Variants in PRKCE observed in about 807,000 individuals in gnomAD.
The protein encoded by PRKCE is protein kinase C epsilon type.
Under a neutral mutation model 85.4 loss-of-function variants are expected in PRKCE, and 16 were observed. That is an observed-to-expected ratio of 0.19 (90% CI 0.13 to 0.28). The LOEUF (loss-of-function observed/expected upper bound fraction) is 0.28, where lower values mean the gene tolerates loss of function less well. PRKCE is among the 10% of genes least tolerant of loss of function. The pLI is 1.00. For missense variants in PRKCE, 573 were observed against 975.2 expected (o/e 0.59, Z 5.49); for synonymous variants, 388 against 371.5 (o/e 1.04, Z -0.51).
rs190137287 is a variant in PRKCE, at chr2:45,711,441, G to A, written c.348+58993G>A. 7.9e-5 allele frequency among the ~76,000 whole-genome samples: 12 copies of A among 152,290 alleles called. No individual in the cohort carries two copies. The East Asian group carries it at 2.3e-3, about 29-fold the overall frequency. ...CACTTAATGTCTCTGTGTCTCAATT[G>A]CCTCATCTGTAAAATGGGGATAATG... On this transcript the variant is annotated intron_variant, in intron 1 of 14. Coordinates refer to ENST00000306156, the MANE Select transcript of PRKCE (RefSeq NM_005400.3).
At chr2:45,727,393 G>T (rs1008829779) in intron 1 of PRKCE, among the ~76,000 whole-genome samples, 6 of 152,336 alleles carry the variant, frequency 3.9e-5, no homozygotes, top group African/African-American at 1.4e-4. Context: ...GTGGGAGTGG[G>T]TACCTCTAAT....
intron 2 of PRKCE, among the ~76,000 whole-genome samples, chr2:45,966,323 C>T (rs1039590461): frequency 5.9e-5 from 9 of 152,124 alleles, no homozygotes; most frequent in South Asian, 2.1e-4. Flanking sequence ...CTATCTCGCA[C>T]GTGTGTGATG....
intron 1 of PRKCE, among the ~76,000 whole-genome samples, chr2:45,667,082 G>A (rs1485937802): frequency 1.3e-5 from 2 of 152,110 alleles, no homozygotes; most frequent in South Asian, 4.1e-4. Context: ...AGGCCGGGGC[G>A]GGCGAATCAC....
In PRKCE at chr2:45,740,540, C is replaced by T. The variant is rs114972428; in HGVS notation, c.348+88092C>T. Among the ~76,000 whole-genome samples, 1,027 of 152,242 alleles carry T rather than the reference C, an allele frequency of 6.7e-3. 15 individuals are homozygous for T. The highest frequency in any genetic ancestry group is 0.024 in the African/African-American group (991 of 41,524). Reference sequence around the variant, plus strand: ...TTCTTTAGGCCCCACTTGGACGCACCCTTCCCCCTGCCCATTGCAAGCCCT... The same window carrying T: ...TTCTTTAGGCCCCACTTGGACGCACTCTTCCCCCTGCCCATTGCAAGCCCT... On this transcript the variant is annotated intron_variant, in intron 1 of 14. Coordinates refer to ENST00000306156, the MANE Select transcript of PRKCE (RefSeq NM_005400.3).
At chr2:45,840,540 TCCCAAA>T (rs1691259511) in intron 1 of PRKCE, 1 of 152,160 alleles carries the variant, frequency 6.6e-6, no homozygotes, top group Non-Finnish European at 1.5e-5. Context: ...AAACCGAAGA[TCCCAAA>T]CTCAGGTGAG....
At chr2:45,784,633 T>C (rs998998679) in intron 1 of PRKCE, among the ~76,000 whole-genome samples, 1 of 152,224 alleles carries the variant, frequency 6.6e-6, no homozygotes, top group African/African-American at 2.4e-5. Context: ...CCTAGCTTTT[T>C]GTTTTTTTTT....
chr2:45,781,160 C>A (rs904101398), intron 1 of PRKCE, among the ~76,000 whole-genome samples: 1 of 151,006 alleles, frequency 6.6e-6, no homozygotes, highest in Non-Finnish European at 1.5e-5. Context: ...TACGGAGACC[C>A]CCCCATCTCT....
At chr2:46,112,217 T>C (rs1429746108) in intron 11 of PRKCE, among the ~76,000 whole-genome samples, 1 of 152,218 alleles carries the variant, frequency 6.6e-6, no homozygotes, top group Non-Finnish European at 1.5e-5. Context: ...ACTCCAGCTT[T>C]CTTTTCATTA....
chr2:45,781,946 C>T (rs4264601), intron 1 of PRKCE, among the ~76,000 whole-genome samples: 78,337 of 151,910 alleles, frequency 0.52, 22,502 homozygotes, highest in East Asian at 0.77. Flanking sequence ...TACCTGAATC[C>T]TAGACAGGTT....
At chr2:45,949,885 TG>T (rs368895074) in intron 2 of PRKCE, among the ~76,000 whole-genome samples, 57,970 of 133,054 alleles carry the variant, frequency 0.44, 11,387 homozygotes, top group Middle Eastern at 0.49. Flanking sequence ...CATTCTTTGT[TG>T]TTTTTTTTTT....
intron 11 of PRKCE, among the ~76,000 whole-genome samples, chr2:46,143,428 C>T (rs1311296835): frequency 6.6e-6 from 1 of 152,118 alleles, no homozygotes; most frequent in Non-Finnish European, 1.5e-5. Context: ...CACCCAGTTC[C>T]CTTGAACTTG....
At chr2:45,867,563 A>T (rs983246020) in intron 2 of PRKCE, among the ~76,000 whole-genome samples, 2 of 152,204 alleles carry the variant, frequency 1.3e-5, no homozygotes, top group South Asian at 2.1e-4. Flanking sequence ...AACTGTCATT[A>T]TGAAAGTGAT....
At chr2:45,743,628 G>A (rs1682769014) in intron 1 of PRKCE, among the ~76,000 whole-genome samples, 1 of 152,188 alleles carries the variant, frequency 6.6e-6, no homozygotes, top group Admixed American at 6.5e-5. Flanking sequence ...CGCCCTGCCT[G>A]GCCACATCTG....
At chr2:45,932,501 T>G (rs1402983234) in intron 2 of PRKCE, among the ~76,000 whole-genome samples, 1 of 152,220 alleles carries the variant, frequency 6.6e-6, no homozygotes, top group Non-Finnish European at 1.5e-5. Context: ...AGAATGACTG[T>G]ACAAATTTAC....
chr2:45,777,628 C>T (rs1436300728), intron 1 of PRKCE, among the ~76,000 whole-genome samples: 7 of 152,222 alleles, frequency 4.6e-5, no homozygotes, highest in Non-Finnish European at 5.9e-5. Context: ...CTATGCAGTA[C>T]GTATTATTAT....
chr2:46,141,651 C>G (rs562329478), intron 11 of PRKCE, among the ~76,000 whole-genome samples: 1 of 152,210 alleles, frequency 6.6e-6, no homozygotes, highest in African/African-American at 2.4e-5. Context: ...CATTGGCTCA[C>G]ATATTGGGAA....
At chr2:46,055,804 A>G (rs1666526449) in intron 10 of PRKCE, among the ~76,000 whole-genome samples, 1 of 152,142 alleles carries the variant, frequency 6.6e-6, no homozygotes, top group South Asian at 2.1e-4. Context: ...CTGGGACCAC[A>G]GGTGCACACC....
At position 46,007,494 on chromosome 2, in the gene PRKCE, G is replaced by A. The variant is rs775690980; in HGVS notation, c.1096G>A (p.Ala366Thr). The A allele has an allele frequency of 1.3e-6, 2 of 1,599,812 alleles. No individual in the cohort carries two copies. Among genetic ancestry groups the A allele is most frequent in the Non-Finnish European group, 8.5e-7 (1 of 1,179,970 alleles). ...AGAACTTGAGAACAACATTCGGAAA[G>A]CCTTGTCATTTGACAACCGAGGAGA... Reference protein sequence around the residue: ...IKELENNIRKALSFDNRGEEH... With the variant: ...IKELENNIRKTLSFDNRGEEH... The change falls in exon 9 of 15, where the codon GCC (alanine) becomes ACC (threonine). Residue 366 changes from alanine to threonine, a missense_variant. Coordinates refer to ENST00000306156, the MANE Select transcript of PRKCE (RefSeq NM_005400.3).
intron 1 of PRKCE, among the ~76,000 whole-genome samples, chr2:45,673,789 T>C: frequency 6.6e-6 from 1 of 152,186 alleles, no homozygotes; most frequent in East Asian, 1.9e-4. Context: ...TTCTGAATAA[T>C]ATTCTAGGAG....
Sources: gnomAD v4.1 joint callset for allele counts (sites outside exome capture counted in the v4.1 genomes callset) on GRCh38, gnomAD v4.1.1 for gene constraint, MANE v1.5 for transcripts, NCBI Gene and HGNC (gene_info 2026-07-23, HGNC 2026-07-21) for gene names.